CACNA1C: variants seen among roughly 807,000 people sequenced by gnomAD.
CACNA1C encodes voltage-dependent L-type calcium channel subunit alpha-1C.
Under a neutral mutation model 229.0 loss-of-function variants are expected in CACNA1C, and 30 were observed. That is an observed-to-expected ratio of 0.13 (90% CI 0.10 to 0.18). CACNA1C has a LOEUF of 0.18. CACNA1C is among the 10% of genes least tolerant of loss of function. The pLI is 1.00. For missense variants in CACNA1C, 1,658 were observed against 2,845.0 expected (o/e 0.58, Z 9.49); for synonymous variants, 1,114 against 1,132.5 (o/e 0.98, Z 0.33).
At chr12:2,002,883 G>T (rs1309196015) in intron 1 of CACNA1C, among the ~76,000 whole-genome samples, 2 of 152,058 alleles carry the variant, frequency 1.3e-5, no homozygotes, top group African/African-American at 4.8e-5. Context: ...ATGTAAAAAC[G>T]AAGGTGACAC....
At chr12:2,507,720 G>A (rs1194363191) in intron 8 of CACNA1C, among the ~76,000 whole-genome samples, 1 of 152,220 alleles carries the variant, frequency 6.6e-6, no homozygotes, top group Non-Finnish European at 1.5e-5. Flanking sequence ...CTATTCCTGT[G>A]TCCATTCTAC....
intron 3 of CACNA1C, among the ~76,000 whole-genome samples, chr12:2,361,946 G>T (rs1004532741): frequency 6.6e-6 from 1 of 152,188 alleles, no homozygotes; most frequent in African/African-American, 2.4e-5. Flanking sequence ...GCCTGAGACC[G>T]ACTGTGATCT....
chr12:2,422,879 A>G (rs931446957), intron 3 of CACNA1C, among the ~76,000 whole-genome samples: 2 of 152,066 alleles, frequency 1.3e-5, no homozygotes, highest in East Asian at 3.9e-4. Flanking sequence ...CACAGAACAA[A>G]CGCTGGCCAG....
At chr12:1,973,227 A>G (rs930670030) in intron 1 of CACNA1C, among the ~76,000 whole-genome samples, 5 of 152,166 alleles carry the variant, frequency 3.3e-5, no homozygotes, top group Admixed American at 2.0e-4. Flanking sequence ...ACATGGTTTT[A>G]CTGCACCTCA....
At chr12:2,083,389 T>C (rs1296513126) in intron 1 of CACNA1C, among the ~76,000 whole-genome samples, 2 of 152,204 alleles carry the variant, frequency 1.3e-5, no homozygotes, top group South Asian at 2.1e-4. Context: ...TCCTGTGTTT[T>C]GGTGGCCAAG....
intron 3 of CACNA1C, among the ~76,000 whole-genome samples, chr12:2,195,207 G>A (rs920120058): frequency 6.6e-6 from 1 of 152,214 alleles, no homozygotes; most frequent in Non-Finnish European, 1.5e-5. Flanking sequence ...GTCATGAGGA[G>A]TGGGTTTTAG....
rs886259866 is a variant in CACNA1C, at chr12:2,067,616, T to C, written c.49+14005T>C. ...GAGCTCGTGGTGTGCAGCCCTGAGG[T>C]CACGTTTGTGACGTGGATGGAAGGA... On this transcript the variant is annotated intron_variant, in intron 1 of 46. Coordinates refer to ENST00000399655, the MANE Select transcript of CACNA1C (RefSeq NM_000719.7). The surrounding 1 kb of genome is among the most constrained non-coding windows in gnomAD (Gnocchi z 5.3). Among the ~76,000 whole-genome samples the C allele has an allele frequency of 1.3e-5, 2 of 152,036 alleles. No homozygotes were observed. The highest frequency in any genetic ancestry group is 4.8e-5 in the African/African-American group (2 of 41,388).
intron 9 of CACNA1C, among the ~76,000 whole-genome samples, chr12:2,528,788 G>A (rs1335696256): frequency 2.0e-5 from 3 of 152,314 alleles, no homozygotes; most frequent in Admixed American, 1.3e-4. Context: ...GAAAAGTGAG[G>A]CCGTCGGTTA....
In CACNA1C at chr12:1,971,929, T is replaced by C. The variant is rs1319279360; in HGVS notation, c.139+728T>C. Among the ~76,000 whole-genome samples, 1 of 152,242 alleles carries C rather than the reference T, an allele frequency of 6.6e-6. No individual in the cohort carries two copies. Among genetic ancestry groups the C allele is most frequent in the Non-Finnish European group, 1.5e-5 (1 of 68,040 alleles). On this transcript the variant is annotated intron_variant, in intron 1 of 46. Transcript: ENST00000682462. This position sits in a 1 kb window ranked among gnomAD's most constrained non-coding sequence, Gnocchi z 4.2. ...GTCTAATGAGGACATGTGATAATGT[T>C]TGTGTAAATTTTTAAAAGAAGATAT...
chr12:2,446,857 TTGG>T (rs1251522559), intron 3 of CACNA1C, among the ~76,000 whole-genome samples: 2 of 151,460 alleles, frequency 1.3e-5, no homozygotes, highest in East Asian at 1.9e-4. Context: ...AATGGATGAA[TTGG>T]TGGGTGGGTG....
At chr12:2,119,576 G>A (rs2085576196) in intron 2 of CACNA1C, among the ~76,000 whole-genome samples, 1 of 152,236 alleles carries the variant, frequency 6.6e-6, no homozygotes, top group African/African-American at 2.4e-5. Context: ...GGAACCTTGG[G>A]CTGTCCCACT....
chr12:2,424,237 G>A (rs1023643416), intron 3 of CACNA1C, among the ~76,000 whole-genome samples: 6 of 152,128 alleles, frequency 3.9e-5, no homozygotes, highest in Admixed American at 2.0e-4. Flanking sequence ...AAATTCCTAC[G>A]TGACTCAGTG....
chr12:2,222,202 T>C (rs376134454), intron 3 of CACNA1C: 2 of 152,356 alleles, frequency 1.3e-5, no homozygotes, highest in African/African-American at 4.8e-5. Flanking sequence ...TGTCTTACCA[T>C]GTCCAAGTAT....
At chr12:2,347,242 C>T (rs1028802879) in intron 3 of CACNA1C, among the ~76,000 whole-genome samples, 1 of 152,212 alleles carries the variant, frequency 6.6e-6, no homozygotes, top group Admixed American at 6.5e-5. Context: ...GAACACTGCA[C>T]TTTCCCCACA....
intron 7 of CACNA1C, among the ~76,000 whole-genome samples, chr12:2,502,517 C>T (rs1222549898): frequency 6.6e-6 from 1 of 152,234 alleles, no homozygotes; most frequent in South Asian, 2.1e-4. Flanking sequence ...TTGAATTTCA[C>T]GATGGCATGG....
intron 3 of CACNA1C, among the ~76,000 whole-genome samples, chr12:2,338,686 G>C (rs958803011): frequency 6.6e-6 from 1 of 152,138 alleles, no homozygotes; most frequent in African/African-American, 2.4e-5. Context: ...AGCAGCGAGC[G>C]ACCCGGTATG....
At chr12:1,972,918 A>ATG (rs2032956225) in intron 1 of CACNA1C, among the ~76,000 whole-genome samples, 2 of 152,188 alleles carry the variant, frequency 1.3e-5, no homozygotes, top group South Asian at 2.1e-4. Flanking sequence ...CACAGCAGTA[A>ATG]ACACTCGAGC....
chr12:2,463,058 A>G lies in CACNA1C; in HGVS notation c.757+5352A>G, dbSNP rs371333980. ...CTCCCGAGTAGCTGGGACTATAGGCACCCGCCACCACGCCCGGCTAATTTT... is the reference window on the plus strand; with the variant it reads ...CTCCCGAGTAGCTGGGACTATAGGCGCCCGCCACCACGCCCGGCTAATTTT... On this transcript the variant is annotated intron_variant, in intron 5 of 46. Coordinates refer to ENST00000399655, the MANE Select transcript of CACNA1C (RefSeq NM_000719.7). Among the ~76,000 whole-genome samples the G allele has an allele frequency of 3.8e-3, 571 of 149,776 alleles. 3 individuals carry two copies. The highest frequency in any genetic ancestry group is 0.01 in the Middle Eastern group (3 of 294).
At chr12:2,306,917 T>C (rs1240870976) in intron 3 of CACNA1C, among the ~76,000 whole-genome samples, 1 of 152,206 alleles carries the variant, frequency 6.6e-6, no homozygotes, top group Non-Finnish European at 1.5e-5. Flanking sequence ...CATAGCAAAC[T>C]AGTAGCGTCC....
Sources: allele counts gnomAD v4.1 joint callset (sites outside exome capture counted in the v4.1 genomes callset), GRCh38; gene constraint gnomAD v4.1.1; non-coding constraint Gnocchi (gnomAD v3.1); transcripts MANE v1.5; gene names NCBI Gene and HGNC (gene_info 2026-07-23, HGNC 2026-07-21).